Variants in GRM3 observed in about 807,000 individuals in gnomAD.
GRM3 encodes metabotropic glutamate receptor 3.
In GRM3, 26 loss-of-function variants were observed where a neutral mutation model predicts 70.5. The ratio of observed to expected loss-of-function variants is 0.37; its 90% CI spans 0.27 to 0.51. The LOEUF is 0.51. Ranked by LOEUF, GRM3 falls within the 20% of genes least tolerant of loss-of-function variation. The probability of loss-of-function intolerance (pLI) is 0.93; values close to 1 mark genes in which losing one functional copy is unlikely to be tolerated. For synonymous variants in GRM3, 443 were observed against 434.9 expected, an observed-to-expected ratio of 1.02 and a Z score of -0.23; for missense variants, 859 against 1,123.8, an observed-to-expected ratio of 0.76 and a Z score of 3.37.
intron 1 of GRM3, among the ~76,000 whole-genome samples, chr7:86,681,152 G>A (rs779774481): frequency 1.5e-4 from 23 of 152,090 alleles, no homozygotes; most frequent in Admixed American, 2.6e-4. Flanking sequence ...ATTTAAACTC[G>A]TACCGTAAGT....
At chr7:86,858,482 G>C (rs1798893231) in intron 5 of GRM3, among the ~76,000 whole-genome samples, 1 of 152,114 alleles carries the variant, frequency 6.6e-6, no homozygotes, top group Non-Finnish European at 1.5e-5. Flanking sequence ...GAGAGGAAGA[G>C]AGACCTGAAC....
At chr7:86,766,627 A>T (rs933865819) in intron 2 of GRM3, among the ~76,000 whole-genome samples, 3 of 152,152 alleles carry the variant, frequency 2.0e-5, no homozygotes, top group Non-Finnish European at 4.4e-5. Flanking sequence ...ACTAGAACTC[A>T]GATAGATCTT....
At chr7:86,648,086 A>G (rs1793519273) in intron 1 of GRM3, among the ~76,000 whole-genome samples, 1 of 152,232 alleles carries the variant, frequency 6.6e-6, no homozygotes, top group African/African-American at 2.4e-5. Flanking sequence ...TATAAAATAC[A>G]AAAGCTTCAC....
Position 86,765,120 on chromosome 7 carries a change from C to G in GRM3, c.-26C>G, listed in dbSNP as rs1314661219. The G allele has an allele frequency of 6.5e-7, 1 of 1,540,618 alleles. No individual in the cohort carries two copies. The highest frequency in any genetic ancestry group is 8.7e-7 in the Non-Finnish European group (1 of 1,149,960). The stretch of plus-strand genomic sequence containing the variant: ...GACACATTGGCTCCACCATTGATAT[C>G]TCCCAGAGGTACAGAAACAGGATTC... On this transcript the variant is annotated 5_prime_UTR_variant, in exon 2 of 6. In the 5' UTR this introduces an upstream ATG that the reference lacks. Coordinates refer to ENST00000361669, the MANE Select transcript of GRM3 (RefSeq NM_000840.3).
At chr7:86,674,062 A>T (rs1168518582) in intron 1 of GRM3, among the ~76,000 whole-genome samples, 2 of 152,120 alleles carry the variant, frequency 1.3e-5, no homozygotes, top group African/African-American at 4.8e-5. Flanking sequence ...TTGCACCAAA[A>T]TGTAGCCATT....
chr7:86,864,282 C>G lies in GRM3; in HGVS notation c.2567C>G (p.Ser856Cys). The change falls in exon 6 of 6, where the codon TCC becomes TGC. Residue 856 changes from serine (S) to cysteine (C), a missense_variant and splice_region_variant. By Grantham distance (112) the Ser-to-Cys change is moderately radical (BLOSUM62 -1). Coordinates refer to ENST00000361669, the MANE Select transcript of GRM3 (RefSeq NM_000840.3). The part of the protein sequence containing the change: ...VSGTGTTYSQ[S>C]SASTYVPTVC... ...TTTTCTGTCCCACTTTGTTTTCCAG[C>G]CTCTGCAAGCACGTATGTGCCAACG... 2 of 1,534,720 alleles carry G rather than the reference C, an allele frequency of 1.3e-6. No homozygotes were observed. Among genetic ancestry groups the G allele is most frequent in the Non-Finnish European group, 1.8e-6 (2 of 1,107,822 alleles).
chr7:86,732,210 A>C (rs1177269420), intron 1 of GRM3, among the ~76,000 whole-genome samples: 2 of 152,210 alleles, frequency 1.3e-5, no homozygotes, highest in Non-Finnish European at 2.9e-5. Context: ...TAAATGAAAA[A>C]GTTTCTGACT....
chr7:86,770,482 C>A (rs557870471), intron 2 of GRM3, among the ~76,000 whole-genome samples: 1 of 151,938 alleles, frequency 6.6e-6, no homozygotes, highest in African/African-American at 2.4e-5. Flanking sequence ...TCACATTGTA[C>A]CCCTGAGAAG....
intron 1 of GRM3, among the ~76,000 whole-genome samples, chr7:86,735,686 G>A (rs1391072237): frequency 2.6e-5 from 4 of 152,154 alleles, no homozygotes; most frequent in African/African-American, 9.7e-5. Context: ...ACTACGAGTG[G>A]ATGAAGGATC....
At chr7:86,662,489 T>C (rs1793918230) in intron 1 of GRM3, among the ~76,000 whole-genome samples, 1 of 152,034 alleles carries the variant, frequency 6.6e-6, no homozygotes, top group South Asian at 2.1e-4. Context: ...ATTTCAGTGA[T>C]AAAATTTTAA....
At chr7:86,846,519 A>G (rs1322805997) in intron 4 of GRM3, among the ~76,000 whole-genome samples, 1 of 152,114 alleles carries the variant, frequency 6.6e-6, no homozygotes, top group Non-Finnish European at 1.5e-5. Context: ...ACCCAGGACA[A>G]ATGTTAGTAC....
chr7:86,769,311 T>C (rs972855101), intron 2 of GRM3, among the ~76,000 whole-genome samples: 1 of 152,152 alleles, frequency 6.6e-6, no homozygotes, highest in Non-Finnish European at 1.5e-5. Context: ...TAAATGAGTA[T>C]GAACCTGTCA....
chr7:86,718,967 AC>A (rs1795388688), intron 1 of GRM3, among the ~76,000 whole-genome samples: 1 of 151,980 alleles, frequency 6.6e-6, no homozygotes, highest in African/African-American at 2.4e-5. Context: ...AGAATTGAAA[AC>A]ATTTCTGAAT....
chr7:86,710,856 GTTATTA>G (rs1193268214), intron 1 of GRM3, among the ~76,000 whole-genome samples: 1 of 151,960 alleles, frequency 6.6e-6, no homozygotes, highest in African/African-American at 2.4e-5. Flanking sequence ...AAGGTAGATT[GTTATTA>G]TTATTATCTA....
At chr7:86,758,630 C>G (rs1796404943) in intron 1 of GRM3, among the ~76,000 whole-genome samples, 1 of 152,100 alleles carries the variant, frequency 6.6e-6, no homozygotes, top group African/African-American at 2.4e-5. Flanking sequence ...TACTGAGTCA[C>G]TCAACAAAGT....
chr7:86,720,144 A>T (rs1192472319), intron 1 of GRM3, among the ~76,000 whole-genome samples: 1 of 151,984 alleles, frequency 6.6e-6, no homozygotes, highest in Non-Finnish European at 1.5e-5. Context: ...AAGGATAAGA[A>T]GATGATGATA....
At chr7:86,857,146 T>A (rs1221905814) in intron 5 of GRM3, among the ~76,000 whole-genome samples, 6 of 151,328 alleles carry the variant, frequency 4.0e-5, no homozygotes, top group Non-Finnish European at 7.4e-5. Flanking sequence ...TTTTTTTTTT[T>A]AAGTTAAAAG....
Position 86,652,174 on chromosome 7 carries a change from CA to C in GRM3, c.-141+7305del, listed in dbSNP as rs1793621932. 2.0e-5 allele frequency among the ~76,000 whole-genome samples: 3 copies of C among 152,164 alleles called. No homozygotes were observed. In the South Asian group the frequency reaches 6.2e-4, roughly 32 times the overall value. On this transcript the variant is annotated intron_variant, in intron 1 of 5. Coordinates refer to ENST00000361669, the MANE Select transcript of GRM3 (RefSeq NM_000840.3). ...AACAAGCCTTCTCTTAGTTGTTGAA[CA>C]AATGAAGCCCTGGTAGGAAAAAGAT...
intron 1 of GRM3, among the ~76,000 whole-genome samples, chr7:86,741,358 C>T (rs1220127455): frequency 6.6e-6 from 1 of 152,162 alleles, no homozygotes; most frequent in Admixed American, 6.6e-5. Flanking sequence ...TAGCAATCTC[C>T]CCCAGCAACC....
Sources: allele counts gnomAD v4.1 joint callset (sites outside exome capture counted in the v4.1 genomes callset), GRCh38; gene constraint gnomAD v4.1.1; transcripts MANE v1.5; gene names NCBI Gene and HGNC (gene_info 2026-07-23, HGNC 2026-07-21).